Variants in WDFY3 observed in about 807,000 individuals in gnomAD.
WDFY3 encodes the protein WD repeat and FYVE domain-containing protein 3.
Under a neutral mutation model 409.6 loss-of-function variants are expected in WDFY3, and 66 were observed. That is an observed-to-expected ratio of 0.16 (90% CI 0.13 to 0.20). The LOEUF is 0.20. WDFY3 is among the 10% of genes least tolerant of loss of function. The pLI, the probability that WDFY3 is intolerant of heterozygous loss-of-function variation, is 1.00. For synonymous variants in WDFY3, 1,521 were observed against 1,537.1 expected (o/e 0.99, Z 0.25); for missense variants, 3,031 against 4,298.1 (o/e 0.71, Z 8.24).
chr4:84,859,429 C>G lies in WDFY3; in HGVS notation c.180+983G>C, dbSNP rs67045782. Among the ~76,000 whole-genome samples, 15 of 151,960 alleles carry G rather than the reference C, an allele frequency of 9.9e-5. 1 individual carries two copies. The highest frequency in any genetic ancestry group is 9.8e-4 in the Admixed American group (15 of 15,274). On this transcript the variant is annotated intron_variant, in intron 4 of 67. Coordinates refer to ENST00000295888, the MANE Select transcript of WDFY3 (RefSeq NM_014991.6). ...CAGTAGGAAGTCAATTAAAACTACA[C>G]AACAGCAGTAAAAGTATGTTATTTA... is the stretch of plus-strand genomic sequence containing the variant.
intron 3 of WDFY3, among the ~76,000 whole-genome samples, chr4:84,863,726 G>A (rs1560952337): frequency 6.6e-6 from 1 of 152,130 alleles, no homozygotes; most frequent in African/African-American, 2.4e-5. Context: ...TGTATATGGT[G>A]TAAAATAAGG....
At chr4:84,960,116 A>G (rs1300331739) in intron 1 of WDFY3, among the ~76,000 whole-genome samples, 2 of 152,140 alleles carry the variant, frequency 1.3e-5, no homozygotes, top group African/African-American at 4.8e-5. Flanking sequence ...TTCAACTGAG[A>G]TTGGGTAGGG....
At chr4:84,824,741 C>A (rs1754604992) in intron 10 of WDFY3, among the ~76,000 whole-genome samples, 1 of 152,122 alleles carries the variant, frequency 6.6e-6, no homozygotes, top group Admixed American at 6.6e-5. Context: ...TTAATGTACA[C>A]AATTTACACC....
intron 2 of WDFY3, among the ~76,000 whole-genome samples, chr4:84,924,000 A>G (rs1465715531): frequency 6.6e-6 from 1 of 152,216 alleles, no homozygotes; most frequent in African/African-American, 2.4e-5. Flanking sequence ...CAAAAACTGT[A>G]ATCAGCTTAT....
In WDFY3 at chr4:84,683,949, C is replaced by A; in HGVS notation, c.9720G>T (p.Val3240=). The change falls in exon 63 of 68, where the codon GTG becomes GTT. Residue 3240 remains valine, a synonymous_variant. Transcript: ENST00000295888. ...NVIVTGHSDG[V]VRFWRMEFLQ... ...TTTCTCTCAGTTCACTTACCCGAACCACTCCATCTGAGTGTCCTGTCACTA... is the reference window on the plus strand; with the variant it reads ...TTTCTCTCAGTTCACTTACCCGAACAACTCCATCTGAGTGTCCTGTCACTA... 1 of 1,589,012 alleles carries A rather than the reference C, an allele frequency of 6.3e-7. No homozygotes were observed. The highest frequency in any genetic ancestry group is 1.1e-5 in the South Asian group (1 of 89,376).
intron 2 of WDFY3, among the ~76,000 whole-genome samples, chr4:84,926,566 TTTTC>T (rs1770024099): frequency 1.3e-5 from 2 of 152,226 alleles, no homozygotes; most frequent in South Asian, 4.1e-4. Flanking sequence ...TCAACACATG[TTTTC>T]TTTCTAATAC....
At position 84,826,856 on chromosome 4, in the gene WDFY3, A is replaced by G; in HGVS notation, c.1082T>C (p.Phe361Ser). 1 of 1,609,622 alleles carries G rather than the reference A, an allele frequency of 6.2e-7. No homozygotes were observed. Among genetic ancestry groups the G allele is most frequent in the Admixed American group, 1.7e-5 (1 of 58,414 alleles). Residue 361 changes from phenylalanine to serine, a missense_variant, in exon 10 of 68, where the codon TTT becomes TCT. Physicochemically the swap from Phe to Ser is radical, Grantham distance 155. Transcript: ENST00000295888. ...KPAGITTGAP[F>S]LLPGFAVPQP... ...AGGTACTGCAAATCCAGGCAATAAAAAGGGTGCCCCTGTGGTAATACCAGC... is the reference window on the plus strand; with the variant it reads ...AGGTACTGCAAATCCAGGCAATAAAGAGGGTGCCCCTGTGGTAATACCAGC...
At chr4:84,752,530 C>CA (rs745752478) in intron 35 of WDFY3, among the ~76,000 whole-genome samples, 210 of 68,618 alleles carry the variant, frequency 3.1e-3, no homozygotes, top group Non-Finnish European at 3.8e-3. Context: ...AACCCCGTCT[C>CA]AAAAAAAAAA....
intron 44 of WDFY3, among the ~76,000 whole-genome samples, chr4:84,733,070 T>A (rs1452577233): frequency 6.6e-6 from 1 of 152,184 alleles, no homozygotes; most frequent in Non-Finnish European, 1.5e-5. Flanking sequence ...AATTCAGGCA[T>A]AATAAAATGA....
chr4:84,710,310 A>C (rs1732668874), intron 51 of WDFY3, among the ~76,000 whole-genome samples: 1 of 152,226 alleles, frequency 6.6e-6, no homozygotes, highest in African/African-American at 2.4e-5. Context: ...GTGAAAGAAA[A>C]TATGAATATT....
At chr4:84,796,988 A>G (rs1423634548) in intron 18 of WDFY3, among the ~76,000 whole-genome samples, 1 of 152,186 alleles carries the variant, frequency 6.6e-6, no homozygotes, top group African/African-American at 2.4e-5. Context: ...AGTATAAATA[A>G]AAATAAACAT....
intron 6 of WDFY3, 103 bp from the exon 7 acceptor site, chr4:84,837,193 C>T (rs561297925): frequency 9.8e-7 from 1 of 1,023,584 alleles, no homozygotes; most frequent in Admixed American, 3.9e-5. Context: ...ATAAAGGTAA[C>T]TTTTTAAAAT....
Position 84,829,115 on chromosome 4 carries a change from A to G in WDFY3, c.845T>C (p.Met282Thr). Residue 282 changes from methionine to threonine, a missense_variant, in exon 9 of 68, where the codon ATG becomes ACG. This residue lies in a region of WDFY3 where 1,322 missense variants were observed against 1,697.9 expected (regional missense o/e 0.78). Transcript: ENST00000295888. ...GAGGAAACAAGAAAGCCCAGCAAAC[A>G]TTTCGACAATTTCTAGGGGAGACAG... ...DDLSPLEIVE[M>T]FAGLSCFLKD... 2 of 1,613,822 alleles carry G rather than the reference A, an allele frequency of 1.2e-6. No homozygotes were observed. Among genetic ancestry groups the G allele is most frequent in the Non-Finnish European group, 1.7e-6 (2 of 1,179,772 alleles).
intron 3 of WDFY3, among the ~76,000 whole-genome samples, chr4:84,890,379 T>C (rs1257574568): frequency 6.6e-6 from 1 of 152,140 alleles, no homozygotes; most frequent in Admixed American, 6.5e-5. Context: ...GGATTACAGG[T>C]GTGAGCCACC....
At position 84,956,980 on chromosome 4, in the gene WDFY3, TA is replaced by T. The variant is rs571594170; in HGVS notation, c.-226+9228del. On this transcript the variant is annotated intron_variant, in intron 1 of 67. Coordinates refer to ENST00000295888, the MANE Select transcript of WDFY3 (RefSeq NM_014991.6). ...TAGAAGCAGGTGACAATGGTTTTCT[TA>T]AAAAAAAAAAAAAACCTTTATGGAA... Among the ~76,000 whole-genome samples, 412 of 134,392 alleles carry T rather than the reference TA, an allele frequency of 3.1e-3. 2 individuals are homozygous for T. Among genetic ancestry groups the T allele is most frequent in the East Asian group, 9.7e-3 (46 of 4,740 alleles). The allele number at this position is 134,392 out of a possible 152,430, so 88.2% of individuals were successfully genotyped here. A position where few individuals can be genotyped will look rare whatever the true frequency, so the allele number is the denominator to read the frequency against.
At chr4:84,725,594 A>G (rs1198426694) in intron 45 of WDFY3, among the ~76,000 whole-genome samples, 2 of 152,202 alleles carry the variant, frequency 1.3e-5, no homozygotes, top group Non-Finnish European at 2.9e-5. Context: ...TGGATTAATA[A>G]TTTTAAAAAG....
chr4:84,860,748 TCTTTAAACAGAAAAG>T, intron 3 of WDFY3, 126 bp from the exon 4 acceptor site: 2 of 892,016 alleles, frequency 2.2e-6, no homozygotes, highest in Non-Finnish European at 3.0e-6. Flanking sequence ...TCTTTCTACT[TCTTTAAACAGAAAAG>T]ACAGAGAAGC....
At chr4:84,904,388 AAAG>A (rs147779175) in intron 2 of WDFY3, among the ~76,000 whole-genome samples, 5,598 of 152,202 alleles carry the variant, frequency 0.037, 203 homozygotes, top group Admixed American at 0.11. Flanking sequence ...CATCTAAAAA[AAAG>A]AAGAAGAAGA....
chr4:84,932,540 TAA>T (rs1770892838), intron 1 of WDFY3, among the ~76,000 whole-genome samples, 177 bp from the exon 2 acceptor site: 1 of 152,182 alleles, frequency 6.6e-6, no homozygotes, highest in Non-Finnish European at 1.5e-5. Flanking sequence ...ATGAAAAATA[TAA>T]AGTTATTTAA....
Sources: allele counts gnomAD v4.1 joint callset (sites outside exome capture counted in the v4.1 genomes callset), GRCh38; gene constraint gnomAD v4.1.1; regional missense constraint gnomAD v4.1.1; transcripts MANE v1.5; gene names NCBI Gene and HGNC (gene_info 2026-07-23, HGNC 2026-07-21).